Variants in SUPT6H observed in about 807,000 individuals in gnomAD.
SUPT6H encodes SPT6 homolog, histone chaperone and transcription elongation factor, also known as transcription elongation factor SPT6.
SUPT6H carries 11 observed loss-of-function variants against 222.3 expected under a neutral mutation model. That is an observed-to-expected ratio of 0.05 (90% CI 0.03 to 0.08). The LOEUF is 0.08. Among genes scored for constraint, SUPT6H ranks in the 10% least tolerant of loss-of-function variants. The pLI is 1.00. For missense variants in SUPT6H, 1,422 were observed against 2,216.0 expected, an observed-to-expected ratio of 0.64 and a Z score of 7.19; for synonymous variants, 762 against 801.2, an observed-to-expected ratio of 0.95 and a Z score of 0.83.
chr17:28,693,570 G>GT, intron 27 of SUPT6H, 126 bp from the exon 28 acceptor site: 1 of 1,147,642 alleles, frequency 8.7e-7, no homozygotes, highest in Non-Finnish European at 1.3e-6. Flanking sequence ...CTAAGTCATT[G>GT]TGTTTTCAGA....
chr17:28,678,056 T>C lies in SUPT6H; in HGVS notation c.1000-20T>C. On this transcript the variant is annotated intron_variant, in intron 8 of 36. Transcript: ENST00000314616. ...ACCAAGTAAACATTGTCTTGCTATT[T>C]CTTTATTTTCCTACTGTAGGAAAGC... is the stretch of plus-strand genomic sequence containing the variant. 6 of 1,605,490 alleles carry C rather than the reference T, an allele frequency of 3.7e-6. No homozygotes were observed. Among genetic ancestry groups the C allele is most frequent in the Non-Finnish European group, 5.1e-6 (6 of 1,173,198 alleles).
At position 28,676,414 on chromosome 17, in the gene SUPT6H, T is replaced by A; in HGVS notation, c.881T>A (p.Leu294Gln). 6.2e-7 allele frequency: 1 copy of A among 1,613,824 alleles called. No homozygotes were observed. Among genetic ancestry groups the A allele is most frequent in the Non-Finnish European group, 8.5e-7 (1 of 1,180,002 alleles). Residue 294 changes from leucine (L) to glutamine (Q), a missense_variant, in exon 7 of 37, where the codon CTG becomes CAG. Transcript: ENST00000314616. Reference sequence around the variant, plus strand: ...GACAATGAAATCCGAGCCACTGACCTGCCTGAGAGGTTCCAGGTAAAAAAC... The same window carrying A: ...GACAATGAAATCCGAGCCACTGACCAGCCTGAGAGGTTCCAGGTAAAAAAC... ...DQDNEIRATD[L>Q]PERFQLRSIP...
chr17:28,694,771 G>T (rs1022296586), intron 28 of SUPT6H, among the ~76,000 whole-genome samples: 1 of 152,162 alleles, frequency 6.6e-6, no homozygotes, highest in African/African-American at 2.4e-5. Context: ...AGGCCAAGGT[G>T]GGTGAAGTCA....
chr17:28,678,599 A>C lies in SUPT6H; in HGVS notation c.1171A>C (p.Asn391His). Residue 391 changes from asparagine (N) to histidine (H), a missense_variant, in exon 10 of 37, where the codon AAT (asparagine) becomes CAT (histidine). By Grantham distance (68) the Asn-to-His change is moderately conservative (BLOSUM62 1). This residue lies in a region of SUPT6H where 389 missense variants were observed against 544.6 expected (regional missense o/e 0.71). Coordinates refer to ENST00000314616, the MANE Select transcript of SUPT6H (RefSeq NM_003170.5). ...KEYVEPELHI[N>H]DLWRVWQWDE... ...GTATGTGGAGCCTGAGTTGCACATC[A>C]ATGACCTATGGAGAGTCTGGCAGTG... 1 of 1,614,152 alleles carries C rather than the reference A, an allele frequency of 6.2e-7. No individual in the cohort carries two copies. The highest frequency in any genetic ancestry group is 1.7e-5 in the Admixed American group (1 of 60,034).
At chr17:28,665,281 C>A (rs528321569) in intron 1 of SUPT6H, among the ~76,000 whole-genome samples, 219 of 152,294 alleles carry the variant, frequency 1.4e-3, no homozygotes, top group Non-Finnish European at 2.7e-3. Context: ...TCATATCCTA[C>A]CTATTGACAT....
chr17:28,664,061 A>G (rs1252387663), intron 1 of SUPT6H, among the ~76,000 whole-genome samples: 6 of 151,624 alleles, frequency 4.0e-5, no homozygotes, highest in Non-Finnish European at 8.8e-5. Context: ...CTTTGTTCTC[A>G]TATTCCTCTG....
In SUPT6H at chr17:28,675,005, C is replaced by T. The variant is rs772850101; in HGVS notation, c.381C>T (p.Asp127=). Residue 127 remains aspartate (D), a synonymous_variant, in exon 5 of 37, where the codon GAC becomes GAT. Coordinates refer to ENST00000314616, the MANE Select transcript of SUPT6H (RefSeq NM_003170.5). ...GGCGTGTCAAAAAAATGTCAGATGA[C>T]GAGGACGATGACGAGGAGGAATATG... ...KYRRVKKMSD[D]EDDDEEEYGK... The T allele has an allele frequency of 1.4e-5, 23 of 1,613,738 alleles. No homozygotes were observed. The highest frequency in any genetic ancestry group is 5.5e-5 in the South Asian group (5 of 91,036).
At chr17:28,686,971 A>G in intron 21 of SUPT6H, 117 bp from the exon 22 acceptor site, 1 of 1,509,326 alleles carries the variant, frequency 6.6e-7, no homozygotes, top group Non-Finnish European at 8.9e-7. Flanking sequence ...AATCGGTCTC[A>G]GGAAAAAAGA....
intron 23 of SUPT6H, among the ~76,000 whole-genome samples, chr17:28,687,679 G>T (rs1381560207): frequency 6.6e-6 from 1 of 152,024 alleles, no homozygotes; most frequent in Non-Finnish European, 1.5e-5. Flanking sequence ...ACCACACCCA[G>T]CTAATTTTTT....
At position 28,686,932 on chromosome 17, in the gene SUPT6H, A is replaced by G. The variant is rs1418499201; in HGVS notation, c.2700+143A>G. ...TGCAGAAGTTCTCCGTTTTGCAGTT[A>G]CGGTTCAGATTGGGAGTCCCAGAAA... On this transcript the variant is annotated intron_variant, in intron 21 of 36. Transcript: ENST00000314616. The G allele has an allele frequency of 2.3e-5, 34 of 1,478,158 alleles. 1 individual carries two copies. Among genetic ancestry groups the G allele is most frequent in the South Asian group, 1.6e-4 (12 of 74,828 alleles). The allele number at this position is 1,478,158 out of a possible 1,614,324, so 91.6% of individuals were successfully genotyped here.
intron 1 of SUPT6H, among the ~76,000 whole-genome samples, chr17:28,669,243 G>A (rs1488029439): frequency 6.6e-6 from 1 of 152,122 alleles, no homozygotes; most frequent in African/African-American, 2.4e-5. Flanking sequence ...CTCACTGTCG[G>A]TGCAGTAGCA....
intron 11 of SUPT6H, 73 bp downstream of exon 11, chr17:28,679,036 A>C: frequency 1.9e-6 from 3 of 1,590,872 alleles, no homozygotes. Context: ...GAGCACTGTT[A>C]AACCTTGGAG....
chr17:28,685,086 A>G, intron 19 of SUPT6H, 125 bp downstream of exon 19: 3 of 920,878 alleles, frequency 3.3e-6, no homozygotes, highest in East Asian at 2.8e-5. Flanking sequence ...CTGGTCACTG[A>G]CTTGTCCCCT....
At chr17:28,683,946 C>G in intron 17 of SUPT6H, 130 bp downstream of exon 17, 1 of 754,678 alleles carries the variant, frequency 1.3e-6, no homozygotes, top group Admixed American at 3.5e-5. Flanking sequence ...TGCCATTCTC[C>G]TGCCTCAGCC....
chr17:28,693,662 G>T, intron 27 of SUPT6H, 34 bp from the exon 28 acceptor site: 2 of 1,613,276 alleles, frequency 1.2e-6, no homozygotes, highest in South Asian at 2.2e-5. Flanking sequence ...CCAGAATATT[G>T]ATAATCAAGC....
At chr17:28,680,846 A>T (rs1227897444) in intron 11 of SUPT6H, among the ~76,000 whole-genome samples, 1 of 152,018 alleles carries the variant, frequency 6.6e-6, no homozygotes, top group African/African-American at 2.4e-5. Context: ...ACGGGGTTTC[A>T]CCGTGTTAGC....
rs1316927827 is a variant in SUPT6H, at chr17:28,689,581, G to T, written c.3342+20G>T. The T allele has an allele frequency of 3.7e-6, 6 of 1,612,240 alleles. No individual in the cohort carries two copies. In the Admixed American group the frequency reaches 8.3e-5, roughly 22 times the overall value. ...AGGCAGGTAAGGGACAGCATGGAAG[G>T]CCCGGCAGGAGAACCCATCCCAAGT... is the stretch of plus-strand genomic sequence containing the variant. On this transcript the variant is annotated intron_variant, in intron 25 of 36. Transcript: ENST00000314616.
At chr17:28,696,782 TC>T (rs2031940980) in intron 29 of SUPT6H, 61 bp from the exon 30 acceptor site, 1 of 1,463,730 alleles carries the variant, frequency 6.8e-7, no homozygotes, top group African/African-American at 1.4e-5. Flanking sequence ...GCCTGGTTTG[TC>T]CTGTTGCTGC....
chr17:28,668,095 G>A (rs2030195346), intron 1 of SUPT6H, among the ~76,000 whole-genome samples: 1 of 152,120 alleles, frequency 6.6e-6, no homozygotes, highest in African/African-American at 2.4e-5. Context: ...CGAATGTCAT[G>A]GTAACCACCA....
Sources: allele counts gnomAD v4.1 joint callset (sites outside exome capture counted in the v4.1 genomes callset), GRCh38; gene constraint gnomAD v4.1.1; regional missense constraint gnomAD v4.1.1; transcripts MANE v1.5; gene names NCBI Gene and HGNC (gene_info 2026-07-23, HGNC 2026-07-21).